The following ICA1L variants were observed in gnomAD, a reference collection of about 807,000 sequenced individuals.
The protein encoded by ICA1L is islet cell autoantigen 1-like protein.
In ICA1L, 50 loss-of-function variants were observed where a neutral mutation model predicts 61.3. The observed-to-expected ratio is 0.82, with a 90% CI of 0.65 to 1.03. The LOEUF is 1.03. Among genes scored for constraint, ICA1L ranks in the 50% least tolerant of loss-of-function variants. The pLI is 0.00. For missense variants in ICA1L, 508 were observed against 556.7 expected (o/e 0.91, Z 0.88); for synonymous variants, 161 against 191.3 (o/e 0.84, Z 1.31).
chr2:202,836,524 G>C (rs1473029307), intron 1 of ICA1L, among the ~76,000 whole-genome samples: 2 of 152,064 alleles, frequency 1.3e-5, no homozygotes, highest in African/African-American at 2.4e-5. Context: ...TGTAAAATTA[G>C]TTTGGAAGAT....
chr2:202,829,113 C>G (rs1693937923), intron 1 of ICA1L, 97 bp from the exon 2 acceptor site: 2 of 948,092 alleles, frequency 2.1e-6, no homozygotes, highest in Non-Finnish European at 3.1e-6. Flanking sequence ...CTTTGGGAGG[C>G]TGAGGCGAGC....
intron 10 of ICA1L, among the ~76,000 whole-genome samples, chr2:202,789,403 A>G (rs1039077334): frequency 8.5e-5 from 13 of 152,190 alleles, no homozygotes; most frequent in African/African-American, 3.1e-4. Flanking sequence ...ACTTTAATAT[A>G]CCACTCTGAC....
At chr2:202,841,404 A>C in intron 1 of ICA1L, 5 of 1,147,956 alleles carry the variant, frequency 4.4e-6, no homozygotes, top group Non-Finnish European at 6.5e-6. Context: ...CTGCTGCTGC[A>C]GGAGGGCTCC....
At chr2:202,810,860 G>T (rs1265147618) in intron 9 of ICA1L, among the ~76,000 whole-genome samples, 1 of 152,102 alleles carries the variant, frequency 6.6e-6, no homozygotes, top group African/African-American at 2.4e-5. Flanking sequence ...AATAAGCCCT[G>T]GTCTCCTGTA....
At chr2:202,810,692 C>T (rs1331589325) in intron 9 of ICA1L, among the ~76,000 whole-genome samples, 1 of 152,200 alleles carries the variant, frequency 6.6e-6, no homozygotes, top group African/African-American at 2.4e-5. Flanking sequence ...CAGAACAGAG[C>T]CATATTTCTC....
chr2:202,864,715 A>C (rs946934553), intron 1 of ICA1L, among the ~76,000 whole-genome samples: 10 of 152,096 alleles, frequency 6.6e-5, no homozygotes, highest in African/African-American at 2.4e-4. Flanking sequence ...AGATTTGTTT[A>C]GCATTTCAAA....
At chr2:202,821,658 C>T in intron 3 of ICA1L, 177 bp from the exon 4 acceptor site, 1 of 456,802 alleles carries the variant, frequency 2.2e-6, no homozygotes, top group South Asian at 2.7e-5. Flanking sequence ...ACTCTACTTT[C>T]CATAGGTCTA....
chr2:202,796,947 C>G lies in ICA1L; in HGVS notation c.928G>C (p.Glu310Gln). ...ESEQANKDHN[E>Q]KHSQMREFGA... ...AATTCTCTCATTTGAGAATGTTTTT[C>G]ATTGTGATCTTTGTTTGCTAAATCA... Residue 310 changes from glutamate (E) to glutamine (Q), a missense_variant, in exon 10 of 13, where the codon GAA becomes CAA. By Grantham distance (29) the Glu-to-Gln change is conservative (BLOSUM62 2). Transcript: ENST00000358299. 10 of 1,596,422 alleles carry G rather than the reference C, an allele frequency of 6.3e-6. No homozygotes were observed. The highest frequency in any genetic ancestry group is 8.5e-6 in the Non-Finnish European group (10 of 1,173,992).
chr2:202,867,416 C>A (rs961321159), intron 1 of ICA1L, among the ~76,000 whole-genome samples: 1 of 152,156 alleles, frequency 6.6e-6, no homozygotes, highest in African/African-American at 2.4e-5. Context: ...CAAACCTGTA[C>A]AGCATGTTAC....
Position 202,816,021 on chromosome 2 carries a change from GA to G in ICA1L, c.685-13del. 7 of 1,553,664 alleles carry G rather than the reference GA, an allele frequency of 4.5e-6. No homozygotes were observed. The highest frequency in any genetic ancestry group is 1.9e-5 in the Admixed American group (1 of 52,976). On this transcript the variant is annotated splice_polypyrimidine_tract_variant and intron_variant, in intron 6 of 12. Coordinates refer to ENST00000358299, the MANE Select transcript of ICA1L (RefSeq NM_001288622.3). ...CCAAGCAGTGTTCTCTGCAAAAAAA[GA>G]AAAGGTGACACTACAGTTCTGCTTC...
intron 9 of ICA1L, among the ~76,000 whole-genome samples, chr2:202,806,361 C>T (rs1014542384): frequency 2.6e-5 from 4 of 152,154 alleles, no homozygotes; most frequent in Admixed American, 1.3e-4. Flanking sequence ...GAAGGGAATG[C>T]GCTGCCCTTA....
At chr2:202,863,424 TAAG>T (rs1339105594) in intron 1 of ICA1L, among the ~76,000 whole-genome samples, 6 of 151,656 alleles carry the variant, frequency 4.0e-5, no homozygotes, top group African/African-American at 9.7e-5. Context: ...AATGGACAAA[TAAG>T]AAAATTAAAG....
chr2:202,866,087 T>C (rs891287730), intron 1 of ICA1L, among the ~76,000 whole-genome samples: 4 of 152,222 alleles, frequency 2.6e-5, no homozygotes, highest in Non-Finnish European at 5.9e-5. Context: ...TCCATAAATA[T>C]ACAACCAAAT....
chr2:202,839,344 T>A (rs1694246063), intron 1 of ICA1L, among the ~76,000 whole-genome samples: 1 of 151,600 alleles, frequency 6.6e-6, no homozygotes, highest in Non-Finnish European at 1.5e-5. Context: ...ACTAAAAATA[T>A]AAAAATTAGC....
intron 10 of ICA1L, among the ~76,000 whole-genome samples, chr2:202,790,330 C>G (rs1338745909): frequency 6.6e-6 from 1 of 152,120 alleles, no homozygotes; most frequent in Non-Finnish European, 1.5e-5. Flanking sequence ...AATAAATAAG[C>G]ATTTAAAATC....
intron 1 of ICA1L, chr2:202,829,219 C>T (rs183073129): frequency 3.5e-6 from 1 of 288,654 alleles, no homozygotes; most frequent in East Asian, 7.1e-5. Flanking sequence ...GGCATGGTGG[C>T]GGGCGCCTGT....
intron 1 of ICA1L, chr2:202,841,590 C>T: frequency 1.5e-6 from 1 of 681,336 alleles, no homozygotes. Context: ...GTGATGCTTC[C>T]CATGCCACTG....
At chr2:202,816,187 GAATCGGCATC>G (rs1693528922) in intron 6 of ICA1L, among the ~76,000 whole-genome samples, 178 bp from the exon 7 acceptor site, 1 of 152,190 alleles carries the variant, frequency 6.6e-6, no homozygotes, top group Admixed American at 6.5e-5. Flanking sequence ...TTGTGCAAAA[GAATCGGCATC>G]TGTGTCTGCA....
chr2:202,803,400 C>CAAAAAAAAAAAAAAAAAAAAAA (rs71030990), intron 9 of ICA1L, among the ~76,000 whole-genome samples: 1 of 60,644 alleles, frequency 1.6e-5, no homozygotes, highest in Admixed American at 1.9e-4. Flanking sequence ...GACTCGATCT[C>CAAAAAAAAAAAAAAAAAAAAAA]AAAAAAAAAA....
Sources: allele counts gnomAD v4.1 joint callset (sites outside exome capture counted in the v4.1 genomes callset), GRCh38; gene constraint gnomAD v4.1.1; transcripts MANE v1.5; gene names NCBI Gene and HGNC (gene_info 2026-07-23, HGNC 2026-07-21).